Variants in ATRNL1 observed in about 807,000 individuals in gnomAD.
The protein encoded by ATRNL1 is attractin like 1, also known as attractin-like protein 1.
A neutral mutation model predicts 182.7 loss-of-function variants in ATRNL1; 95 were observed. The ratio of observed to expected loss-of-function variants is 0.52; its 90% CI spans 0.44 to 0.62. The LOEUF is 0.62. Among genes scored for constraint, ATRNL1 ranks in the 20% least tolerant of loss-of-function variants. The pLI is 0.00. For synonymous variants in ATRNL1, 576 were observed against 568.3 expected (o/e 1.01, Z -0.19); for missense variants, 1,471 against 1,679.5 (o/e 0.88, Z 2.17).
At chr10:115,920,642 G>T (rs1350957583) in intron 28 of ATRNL1, among the ~76,000 whole-genome samples, 2 of 152,198 alleles carry the variant, frequency 1.3e-5, no homozygotes, top group African/African-American at 4.8e-5. Flanking sequence ...GCATGGAATA[G>T]ATTTAAGCTG....
chr10:115,590,196 G>A (rs1555011751), intron 26 of ATRNL1, among the ~76,000 whole-genome samples: 1 of 152,204 alleles, frequency 6.6e-6, no homozygotes, highest in Non-Finnish European at 1.5e-5. Context: ...GCTTCTTTCA[G>A]ATAGAGATGC....
intron 1 of ATRNL1, among the ~76,000 whole-genome samples, chr10:115,110,732 C>T (rs1253770566): frequency 1.3e-5 from 2 of 152,144 alleles, no homozygotes; most frequent in African/African-American, 4.8e-5. Context: ...GGCTGAATTT[C>T]AATGATACTG....
chr10:115,382,260 A>G (rs1280430594), intron 19 of ATRNL1, among the ~76,000 whole-genome samples: 1 of 152,170 alleles, frequency 6.6e-6, no homozygotes, highest in East Asian at 1.9e-4. Context: ...TAAGGATTAC[A>G]TGAAATCTAT....
At chr10:115,680,873 C>G (rs1391697401) in intron 26 of ATRNL1, among the ~76,000 whole-genome samples, 2 of 152,058 alleles carry the variant, frequency 1.3e-5, no homozygotes, top group African/African-American at 4.8e-5. Flanking sequence ...ATACCATGCT[C>G]TTTAACAGGG....
At chr10:115,861,751 T>G (rs1469020961) in intron 28 of ATRNL1, among the ~76,000 whole-genome samples, 3 of 152,176 alleles carry the variant, frequency 2.0e-5, no homozygotes, top group Non-Finnish European at 4.4e-5. Context: ...ATCACTTTGA[T>G]ACTCTGGTCA....
intron 26 of ATRNL1, among the ~76,000 whole-genome samples, chr10:115,575,635 T>C (rs1220057455): frequency 2.6e-5 from 4 of 152,120 alleles, no homozygotes; most frequent in African/African-American, 9.6e-5. Flanking sequence ...GCAAATATTC[T>C]TTTTTATTTT....
intron 27 of ATRNL1, among the ~76,000 whole-genome samples, chr10:115,776,004 G>A (rs150643563): frequency 1.2e-4 from 18 of 150,588 alleles, no homozygotes; most frequent in African/African-American, 3.7e-4. Context: ...CAGAAAAGTC[G>A]AATATTCTTT....
chr10:115,657,098 C>T (rs2133894297), intron 26 of ATRNL1, among the ~76,000 whole-genome samples: 1 of 151,786 alleles, frequency 6.6e-6, no homozygotes, highest in African/African-American at 2.4e-5. Flanking sequence ...TTTCCAAGGA[C>T]ATATCAATAA....
rs564730189 is a variant in ATRNL1 at position 115,583,124 on chromosome 10, T to G, written c.3795+33588T>G. ...ATCTATATCTCTGTTTTGGTACCAG[T>G]ACCATGCTGTTTTGGTTACTGTATC... On this transcript the variant is annotated intron_variant, in intron 26 of 28. Transcript: ENST00000355044. Among the ~76,000 whole-genome samples, 504 of 150,326 alleles carry G rather than the reference T, an allele frequency of 3.4e-3. 3 individuals carry two copies. Among genetic ancestry groups the G allele is most frequent in the African/African-American group, 0.012 (490 of 41,268 alleles).
At chr10:115,385,479 A>G (rs1858286376) in intron 19 of ATRNL1, among the ~76,000 whole-genome samples, 1 of 152,256 alleles carries the variant, frequency 6.6e-6, no homozygotes, top group East Asian at 1.9e-4. Flanking sequence ...CCTCAGATAT[A>G]TGGATTGCGA....
chr10:115,418,322 T>C (rs2134365319), intron 20 of ATRNL1, among the ~76,000 whole-genome samples: 1 of 152,106 alleles, frequency 6.6e-6, no homozygotes, highest in East Asian at 1.9e-4. Flanking sequence ...AAAAATGGAA[T>C]AGAGAGCATC....
At chr10:115,785,851 C>A (rs1405286279) in intron 27 of ATRNL1, among the ~76,000 whole-genome samples, 1 of 152,146 alleles carries the variant, frequency 6.6e-6, no homozygotes, top group East Asian at 1.9e-4. Context: ...ATCTCCTTAG[C>A]TAAGTATCCA....
At chr10:115,714,301 T>G in intron 26 of ATRNL1, among the ~76,000 whole-genome samples, 1 of 149,574 alleles carries the variant, frequency 6.7e-6, no homozygotes, top group Admixed American at 6.8e-5. Context: ...CATTGAAGGG[T>G]GGGAAAAATT....
chr10:115,642,138 G>T (rs1034128164), intron 26 of ATRNL1, among the ~76,000 whole-genome samples: 1 of 152,014 alleles, frequency 6.6e-6, no homozygotes, highest in East Asian at 1.9e-4. Context: ...CAGACTCAAT[G>T]GTGTTAGCAA....
intron 21 of ATRNL1, among the ~76,000 whole-genome samples, chr10:115,439,056 A>G (rs1226666100): frequency 6.6e-6 from 1 of 151,952 alleles, no homozygotes; most frequent in Non-Finnish European, 1.5e-5. Context: ...TGTATTCTTG[A>G]CAGTAAAGTA....
At chr10:115,450,175 A>C (rs1554967375) in intron 21 of ATRNL1, among the ~76,000 whole-genome samples, 1 of 152,218 alleles carries the variant, frequency 6.6e-6, no homozygotes, top group Non-Finnish European at 1.5e-5. Flanking sequence ...AGCCAATAAC[A>C]TACTGAACAG....
intron 1 of ATRNL1, among the ~76,000 whole-genome samples, chr10:115,118,183 G>A (rs888522077): frequency 6.6e-6 from 1 of 151,992 alleles, no homozygotes; most frequent in Non-Finnish European, 1.5e-5. Context: ...TTCCTTTGCT[G>A]TGCAGAAGTT....
intron 3 of ATRNL1, among the ~76,000 whole-genome samples, chr10:115,124,176 A>G (rs908969059): frequency 5.3e-5 from 8 of 152,070 alleles, no homozygotes; most frequent in Non-Finnish European, 1.0e-4. Context: ...TTGCTGCTCT[A>G]TAACACTGCT....
intron 23 of ATRNL1, among the ~76,000 whole-genome samples, chr10:115,467,550 C>T (rs1848112548): frequency 6.6e-6 from 1 of 150,518 alleles, no homozygotes; most frequent in Admixed American, 6.7e-5. Flanking sequence ...TCTTTAATGA[C>T]TAAAGAGACT....
Sources: gnomAD v4.1 joint callset for allele counts (sites outside exome capture counted in the v4.1 genomes callset) on GRCh38, gnomAD v4.1.1 for gene constraint, MANE v1.5 for transcripts, NCBI Gene and HGNC (gene_info 2026-07-23, HGNC 2026-07-21) for gene names.